ACAP2: variants seen among roughly 807,000 people sequenced by gnomAD.
The protein encoded by ACAP2 is ArfGAP with coiled-coil, ankyrin repeat and PH domains 2.
A neutral mutation model predicts 115.8 loss-of-function variants in ACAP2; 39 were observed. The ratio of observed to expected loss-of-function variants is 0.34; its 90% CI spans 0.26 to 0.44. ACAP2 has a LOEUF of 0.44. ACAP2 is among the 20% of genes least tolerant of loss of function. The probability of loss-of-function intolerance (pLI) is 1.00; values close to 1 mark genes in which losing one functional copy is unlikely to be tolerated. For missense variants in ACAP2, 662 were observed against 927.6 expected, an observed-to-expected ratio of 0.71 and a Z score of 3.72; for synonymous variants, 289 against 315.8, an observed-to-expected ratio of 0.92 and a Z score of 0.90.
chr3:195,425,013 C>T (rs1257121336), intron 1 of ACAP2, among the ~76,000 whole-genome samples: 3 of 103,972 alleles, frequency 2.9e-5, no homozygotes, highest in Non-Finnish European at 5.3e-5. Flanking sequence ...GGCGACAGAG[C>T]GAGACTCCGT....
At chr3:195,327,023 T>C (rs1729841978) in intron 8 of ACAP2, 64 bp from the exon 9 acceptor site, 4 of 1,366,040 alleles carry the variant, frequency 2.9e-6, no homozygotes, top group African/African-American at 1.4e-5. Context: ...TTTCAAACCA[T>C]ATTCCAAATC....
rs1197101824 is a variant in ACAP2 at position 195,276,248 on chromosome 3, A to G, written c.*3080T>C. On this transcript the variant is annotated 3_prime_UTR_variant, in exon 23 of 23. Coordinates refer to ENST00000326793, the MANE Select transcript of ACAP2 (RefSeq NM_012287.6). ...AGTTCATATTCCAAATTAAATCTGTATGTCTGGAAAAGTAACCAATCAAAG... is the reference window on the plus strand; with the variant it reads ...AGTTCATATTCCAAATTAAATCTGTGTGTCTGGAAAAGTAACCAATCAAAG... 2 of 152,258 alleles carry G rather than the reference A, an allele frequency of 1.3e-5. No homozygotes were observed. The highest frequency in any genetic ancestry group is 1.3e-4 in the Admixed American group (2 of 15,284). The allele number at this position is 152,258 out of a possible 1,614,324, so 9.4% of individuals were successfully genotyped here. A position where few individuals can be genotyped will look rare whatever the true frequency, so the allele number is the denominator to read the frequency against.
rs573146069 is a variant in ACAP2, at chr3:195,410,803, T to C, written c.54-18656A>G. On this transcript the variant is annotated intron_variant, in intron 1 of 22. Coordinates refer to ENST00000326793, the MANE Select transcript of ACAP2 (RefSeq NM_012287.6). Reference sequence around the variant, plus strand: ...AGAGGTGGGGCCTTTGGGGAAGTGATGAAGACATGAGGGCTCCGCCTTCAT... The same window carrying C: ...AGAGGTGGGGCCTTTGGGGAAGTGACGAAGACATGAGGGCTCCGCCTTCAT... 4 of 156,864 alleles carry C rather than the reference T, an allele frequency of 2.5e-5. No individual in the cohort carries two copies. The South Asian group carries it at 6.6e-4, about 26-fold the overall frequency. The allele number at this position is 156,864 out of a possible 1,614,324, so 9.7% of individuals were successfully genotyped here.
intron 1 of ACAP2, among the ~76,000 whole-genome samples, chr3:195,404,134 A>G (rs549107170): frequency 6.6e-6 from 1 of 152,252 alleles, no homozygotes; most frequent in Admixed American, 6.5e-5. Flanking sequence ...TGAGCCCAGG[A>G]GTTCAAGACC....
chr3:195,294,382 A>T (rs991167309), intron 18 of ACAP2, among the ~76,000 whole-genome samples: 7 of 151,378 alleles, frequency 4.6e-5, no homozygotes, highest in African/African-American at 1.7e-4. Flanking sequence ...GTTCGAGACC[A>T]GCCTGGCCAA....
Position 195,291,866 on chromosome 3 carries a change from A to G in ACAP2, c.1954-51T>C. The G allele has an allele frequency of 2.0e-6, 3 of 1,467,490 alleles. No homozygotes were observed. The South Asian group carries it at 3.7e-5, about 18-fold the overall frequency. 90.9% of individuals were successfully genotyped at this position (1,467,490 alleles called of 1,614,324 possible). A position where few individuals can be genotyped will look rare whatever the true frequency, so the allele number is the denominator to read the frequency against. On this transcript the variant is annotated intron_variant, in intron 19 of 22. Coordinates refer to ENST00000326793, the MANE Select transcript of ACAP2 (RefSeq NM_012287.6). The stretch of plus-strand genomic sequence containing the variant: ...TAGACAAAAGCAAATAACAAGAAAC[A>G]ACAATACATTTCTTTTTAAAAACAA...
rs34104661 is a variant in ACAP2, at chr3:195,290,813, AAAATAAATAAAT to A, written c.2063+881_2063+892del. Among the ~76,000 whole-genome samples the A allele has an allele frequency of 2.7e-4, 38 of 138,444 alleles. No homozygotes were observed. The Middle Eastern group carries it at 0.014, about 52-fold the overall frequency. The allele number at this position is 138,444 out of a possible 152,430, so 90.8% of individuals were successfully genotyped here. ...GGGTGACAGAGCAAGACTTTATCTC[AAAATAAATAAAT>A]AAATAAATAAATAAATAAATAAATA... On this transcript the variant is annotated intron_variant, in intron 20 of 22. Transcript: ENST00000326793.
At chr3:195,306,763 A>G (rs1375132072) in intron 12 of ACAP2, 147 bp from the exon 13 acceptor site, 1 of 561,918 alleles carries the variant, frequency 1.8e-6, no homozygotes, top group Non-Finnish European at 3.0e-6. Context: ...TATTTCATGT[A>G]TCTTTAGGGC....
At chr3:195,346,419 G>A (rs1396920867) in intron 4 of ACAP2, among the ~76,000 whole-genome samples, 5 of 152,094 alleles carry the variant, frequency 3.3e-5, no homozygotes, top group African/African-American at 7.2e-5. Context: ...AAGGAGAGAC[G>A]CATCTTTATC....
intron 1 of ACAP2, among the ~76,000 whole-genome samples, chr3:195,401,823 G>GTTTAAAAAACC (rs1181658454): frequency 6.6e-6 from 1 of 152,134 alleles, no homozygotes. Flanking sequence ...AAGCAGCTGT[G>GTTTAAAAAACC]TTTAAAAAAC....
intron 10 of ACAP2, among the ~76,000 whole-genome samples, chr3:195,313,741 C>A (rs1728907225): frequency 6.6e-6 from 1 of 152,102 alleles, no homozygotes; most frequent in South Asian, 2.1e-4. Context: ...AGTAATTATT[C>A]AGTTTTATTA....
At chr3:195,434,056 G>T (rs894674970) in intron 1 of ACAP2, among the ~76,000 whole-genome samples, 2 of 151,966 alleles carry the variant, frequency 1.3e-5, no homozygotes, top group Admixed American at 6.6e-5. Context: ...AACCTCCTGA[G>T]GAGCTGGGAC....
intron 20 of ACAP2, 144 bp downstream of exon 20, chr3:195,291,562 C>A: frequency 1.8e-6 from 1 of 567,548 alleles, no homozygotes. Flanking sequence ...TTTTAACTTT[C>A]AAATTCCATC....
chr3:195,285,881 T>A, intron 21 of ACAP2, 24 bp from the exon 22 acceptor site: 1 of 1,509,192 alleles, frequency 6.6e-7, no homozygotes, highest in Non-Finnish European at 9.1e-7. Context: ...AAATAGTGTT[T>A]TAGATGACAT....
intron 10 of ACAP2, among the ~76,000 whole-genome samples, chr3:195,315,118 C>T (rs996992640): frequency 5.9e-5 from 9 of 152,350 alleles, no homozygotes; most frequent in African/African-American, 2.2e-4. Flanking sequence ...TGGTCTCAAG[C>T]GGTCTTCCCG....
chr3:195,297,609 G>A (rs1410227843), intron 15 of ACAP2, among the ~76,000 whole-genome samples: 1 of 152,054 alleles, frequency 6.6e-6, no homozygotes. Flanking sequence ...AGAAAGGCAA[G>A]AAGTATGACA....
At chr3:195,312,901 G>A (rs2109005063) in intron 10 of ACAP2, 1 of 152,306 alleles carries the variant, frequency 6.6e-6, no homozygotes, top group African/African-American at 2.4e-5. Context: ...TGCCAAAAAG[G>A]AAACTGGAGT....
At chr3:195,407,197 GT>G (rs1453177856) in intron 1 of ACAP2, among the ~76,000 whole-genome samples, 1 of 104,674 alleles carries the variant, frequency 9.6e-6, no homozygotes, top group African/African-American at 4.4e-5. Context: ...AACATTTTTA[GT>G]TTAAAAAAAA....
intron 9 of ACAP2, among the ~76,000 whole-genome samples, chr3:195,324,657 G>C (rs1272679231): frequency 6.6e-6 from 1 of 152,100 alleles, no homozygotes; most frequent in Non-Finnish European, 1.5e-5. Context: ...GGGAGGCTGA[G>C]GCAGGAGAAT....
Sources: allele counts gnomAD v4.1 joint callset (sites outside exome capture counted in the v4.1 genomes callset), GRCh38; gene constraint gnomAD v4.1.1; transcripts MANE v1.5; gene names NCBI Gene and HGNC (gene_info 2026-07-23, HGNC 2026-07-21).